The following ERCC2 variants were observed in gnomAD, a reference collection of about 807,000 sequenced individuals.
ERCC2 encodes the protein general transcription and DNA repair factor IIH helicase subunit XPD.
A neutral mutation model predicts 99.4 loss-of-function variants in ERCC2; 90 were observed. The ratio of observed to expected loss-of-function variants is 0.91; its 90% CI spans 0.76 to 1.08. The LOEUF (loss-of-function observed/expected upper bound fraction) is 1.08. Among genes scored for constraint, ERCC2 ranks in the 50% least tolerant of loss-of-function variants. ERCC2 has a pLI of 0.00. For synonymous variants in ERCC2, 497 were observed against 432.4 expected (o/e 1.15, Z -1.85); for missense variants, 993 against 1,038.1 (o/e 0.96, Z 0.60).
chr19:45,369,177 A>G (rs1972526031), intron 2 of ERCC2, 30 bp from the exon 3 acceptor site: 1 of 1,590,048 alleles, frequency 6.3e-7, no homozygotes, highest in African/African-American at 1.3e-5. Flanking sequence ...GGGGCAACAC[A>G]CAGGGTCTCA....
chr19:45,360,380 C>A (rs1200059287), intron 12 of ERCC2, among the ~76,000 whole-genome samples: 4 of 90,740 alleles, frequency 4.4e-5, no homozygotes, highest in Non-Finnish European at 7.9e-5. Flanking sequence ...CCACGCCCGG[C>A]CTTTTTTTTT....
rs747319235 is a variant in ERCC2 at position 45,354,756 on chromosome 19, T to C, written c.1639A>G (p.Ser547Gly). ...TGCTCATACCAGGAGGCCACGGTGC[T>C]CTCCATGTACTGGTAGCTGGTGAAG... The part of the protein sequence containing the change: ...AFFTSYQYME[S>G]TVASWYEQGI... The change falls in exon 17 of 23, where the codon AGC becomes GGC. Residue 547 changes from serine (S) to glycine (G), a missense_variant. Ser to Gly is a moderately conservative substitution (Grantham distance 56, BLOSUM62 0). Around this residue, in one of 3 missense-constraint regions of ERCC2, gnomAD observed 909 missense variants for 930.8 expected, o/e 0.98. Transcript: ENST00000391945. 1.2e-6 allele frequency: 2 copies of C among 1,613,906 alleles called. No individual in the cohort carries two copies. The highest frequency in any genetic ancestry group is 2.7e-5 in the African/African-American group (2 of 74,882).
Position 45,351,493 on chromosome 19 carries a change from G to C in ERCC2, c.*136C>G, listed in dbSNP as rs149943175. 2 of 1,591,812 alleles carry C rather than the reference G, an allele frequency of 1.3e-6. No homozygotes were observed. Among genetic ancestry groups the C allele is most frequent in the Admixed American group, 3.4e-5 (2 of 59,494 alleles). On this transcript the variant is annotated 3_prime_UTR_variant, in exon 23 of 23. Transcript: ENST00000391945. ...CTGGTGGATAGCTGCCTTCTCCTGC[G>C]ATTAAAGGCTGTGGACGTGACAGTG... is the stretch of plus-strand genomic sequence containing the variant.
At position 45,353,129 on chromosome 19, in the gene ERCC2, G is replaced by T; in HGVS notation, c.1785C>A (p.Ile595=). 1.2e-6 allele frequency: 2 copies of T among 1,613,658 alleles called. No individual in the cohort carries two copies. Among genetic ancestry groups the T allele is most frequent in the East Asian group, 2.2e-5 (1 of 44,868 alleles). The change falls in exon 19 of 23, where the codon ATC becomes ATA. Residue 595 remains isoleucine, a synonymous_variant. Transcript: ENST00000391945. ...QEACENGRGA[I]LLSVARGKVS... Reference sequence around the variant, plus strand: ...CTTTGCCCCGGGCCACTGACAGCAGGATGGCCCCGCGGCCATTCTCGCAGG... The same window carrying T: ...CTTTGCCCCGGGCCACTGACAGCAGTATGGCCCCGCGGCCATTCTCGCAGG...
chr19:45,363,069 C>T (rs1381190795), intron 11 of ERCC2, among the ~76,000 whole-genome samples: 7 of 152,258 alleles, frequency 4.6e-5, no homozygotes, highest in Non-Finnish European at 7.4e-5. Flanking sequence ...AGTAAAGACC[C>T]GACTCCTTGG....
chr19:45,364,041 G>A lies in ERCC2; in HGVS notation c.894C>T (p.Ala298=), dbSNP rs1198917963. Residue 298 remains alanine (A), a synonymous_variant, in exon 10 of 23, where the codon GCC becomes GCT. Coordinates refer to ENST00000391945, the MANE Select transcript of ERCC2 (RefSeq NM_000400.4). ...TGGCCAGGTGGGCGTCCGTCTCCCG[G>A]GCGGCGCTGGCCTCCCGCAGCCCCT... is the stretch of plus-strand genomic sequence containing the variant. ...LVEGLREASA[A]RETDAHLANP... is the part of the protein sequence containing the mutation. The A allele has an allele frequency of 1.2e-5, 19 of 1,563,866 alleles. No homozygotes were observed. The highest frequency in any genetic ancestry group is 1.3e-5 in the Non-Finnish European group (15 of 1,155,340).
intron 12 of ERCC2, chr19:45,358,321 C>T (rs1445960845): frequency 1.5e-5 from 3 of 194,848 alleles, no homozygotes; most frequent in Non-Finnish European, 3.2e-5. Flanking sequence ...CACCTGGCCT[C>T]CCACGACCTT....
In ERCC2 at chr19:45,349,995, G is replaced by C. The variant is rs529115972; in HGVS notation, c.*1634C>G. Reference sequence around the variant, plus strand: ...ACCGAGGCCATGCCACCAGCCCAAAGTACAGCAGACAGGCTCAGAAACAGG... The same window carrying C: ...ACCGAGGCCATGCCACCAGCCCAAACTACAGCAGACAGGCTCAGAAACAGG... On this transcript the variant is annotated 3_prime_UTR_variant, in exon 23 of 23. Transcript: ENST00000391945. 6.8e-6 allele frequency: 3 copies of C among 440,150 alleles called. No individual in the cohort carries two copies. Among genetic ancestry groups the C allele is most frequent in the African/African-American group, 5.9e-5 (3 of 50,958 alleles). The allele number at this position is 440,150 out of a possible 1,614,324, so 27.3% of individuals were successfully genotyped here. A position where few individuals can be genotyped will look rare whatever the true frequency, so the allele number is the denominator to read the frequency against.
intron 12 of ERCC2, among the ~76,000 whole-genome samples, chr19:45,359,736 G>A (rs538823651): frequency 6.7e-6 from 1 of 150,146 alleles, no homozygotes; most frequent in Admixed American, 6.6e-5. Context: ...TCAGGTCCCT[G>A]CCTGCCACCC....
At chr19:45,359,119 A>G (rs1972119279) in intron 12 of ERCC2, among the ~76,000 whole-genome samples, 1 of 151,920 alleles carries the variant, frequency 6.6e-6, no homozygotes, top group East Asian at 1.9e-4. Flanking sequence ...AGGTGCCCAG[A>G]GGAGGGGCCT....
rs531021258 is a variant in ERCC2 at position 45,357,323 on chromosome 19, C to T, written c.1426G>A (p.Val476Ile). 802 of 1,614,060 alleles carry T rather than the reference C, an allele frequency of 5.0e-4. 11 individuals carry two copies. The South Asian group carries it at 7.9e-3, about 16-fold the overall frequency. Residue 476 changes from valine to isoleucine, a missense_variant, in exon 15 of 23, where the codon GTC (valine) becomes ATC (isoleucine). Transcript: ENST00000391945. Reference protein sequence around the residue: ...IYPKILDFHPVTMATFTMTLA... With the variant: ...IYPKILDFHPITMATFTMTLA... ...GTCATGGTGAAGGTTGCCATGGTGA[C>T]GGGGTGGAAGTCCAGGATCTTGGGG...
Position 45,352,665 on chromosome 19 carries a change from ATGAGAAGC to A in ERCC2, c.1903-24_1903-17del, listed in dbSNP as rs1177461490. On this transcript the variant is annotated splice_polypyrimidine_tract_variant and intron_variant, in intron 20 of 22. Coordinates refer to ENST00000391945, the MANE Select transcript of ERCC2 (RefSeq NM_000400.4). ...CCAGCCGCGCCTGCAGATACGGAGG[ATGAGAAGC>A]TGGGGAGGTGGGGGAGCCACTCCTC... 1 of 1,613,892 alleles carries A rather than the reference ATGAGAAGC, an allele frequency of 6.2e-7. No homozygotes were observed.
intron 17 of ERCC2, 25 bp from the exon 18 acceptor site, chr19:45,353,359 G>T: frequency 6.3e-7 from 1 of 1,582,104 alleles, no homozygotes; most frequent in Non-Finnish European, 8.7e-7. Context: ...AGGGAGGTCA[G>T]GGTGGGTTCA....
chr19:45,356,356 C>T (rs2123245130), intron 15 of ERCC2, among the ~76,000 whole-genome samples: 1 of 152,278 alleles, frequency 6.6e-6, no homozygotes, highest in South Asian at 2.1e-4. Context: ...TGCCCTGCCC[C>T]GAGTCTCTCC....
In ERCC2 at chr19:45,350,690, G is replaced by T. The variant is rs754674282; in HGVS notation, c.*939C>A. 4.3e-6 allele frequency: 7 copies of T among 1,613,672 alleles called. No individual in the cohort carries two copies. ...TCCAAGATCCGTGAGTCTATCAGGC[G>T]AGGAAGTGAGAAGCTGGTCTCCCGG... On this transcript the variant is annotated 3_prime_UTR_variant, in exon 23 of 23. Transcript: ENST00000391945.
In ERCC2 at chr19:45,370,114, G is replaced by C; in HGVS notation, c.105+19C>G. On this transcript the variant is annotated intron_variant, in intron 2 of 22. Coordinates refer to ENST00000391945, the MANE Select transcript of ERCC2 (RefSeq NM_000400.4). ...GCCCCACCGGTCGAGTGGGCGGGTC[G>C]GGCCCACCGGCCACCCACCTTGGCG... 1 of 1,611,744 alleles carries C rather than the reference G, an allele frequency of 6.2e-7. No individual in the cohort carries two copies. The highest frequency in any genetic ancestry group is 8.5e-7 in the Non-Finnish European group (1 of 1,178,516).
intron 16 of ERCC2, among the ~76,000 whole-genome samples, chr19:45,355,112 T>G (rs144496263): frequency 2.4e-4 from 36 of 152,312 alleles, no homozygotes; most frequent in African/African-American, 8.7e-4. Flanking sequence ...ATCCCAGCAC[T>G]TTGGGAGGCC....
chr19:45,363,351 C>T (rs968864050), intron 11 of ERCC2, among the ~76,000 whole-genome samples: 7 of 152,152 alleles, frequency 4.6e-5, no homozygotes, highest in African/African-American at 1.7e-4. Context: ...AGCAGAAGCC[C>T]CTGTCCAGGC....
chr19:45,361,461 C>G (rs961798817), intron 12 of ERCC2, 63 bp downstream of exon 12: 7 of 1,214,958 alleles, frequency 5.8e-6, no homozygotes, highest in Non-Finnish European at 8.6e-6. Context: ...CCCTCTAGAC[C>G]CTGCTGGGAC....
Sources: allele counts gnomAD v4.1 joint callset (sites outside exome capture counted in the v4.1 genomes callset), GRCh38; gene constraint gnomAD v4.1.1; regional missense constraint gnomAD v4.1.1; transcripts MANE v1.5; gene names NCBI Gene and HGNC (gene_info 2026-07-23, HGNC 2026-07-21).